NOTCH2NLA: variants seen among roughly 807,000 people sequenced by gnomAD.
The protein encoded by NOTCH2NLA is notch homolog 2 N-terminal-like protein A.
At chr1:146,151,310 T>C (rs1553801277), downstream of NOTCH2NLA, among the ~76,000 whole-genome samples, 1 of 29,450 alleles carries the variant, frequency 3.4e-5, no homozygotes, top group Non-Finnish European at 5.3e-5. Context: ...AGAGCGATGC[T>C]CCGTCTCAAA....
At chr1:146,227,936 C>T (rs1553820130) in intron 1 of NOTCH2NLA, among the ~76,000 whole-genome samples, 1 of 35,738 alleles carries the variant, frequency 2.8e-5, no homozygotes, top group Non-Finnish European at 5.6e-5. Flanking sequence ...AATTGGTGAT[C>T]GTCACACCAC....
chr1:146,185,771 G>A (rs1553810116), intron 2 of NOTCH2NLA, among the ~76,000 whole-genome samples: 1 of 132,836 alleles, frequency 7.5e-6, no homozygotes, highest in African/African-American at 2.5e-5. Flanking sequence ...AAGGAATTTG[G>A]CTTCAACTTT....
chr1:146,158,112 T>A (rs1553803277), intron 3 of NOTCH2NLA, among the ~76,000 whole-genome samples: 1 of 151,790 alleles, frequency 6.6e-6, no homozygotes, highest in Non-Finnish European at 1.5e-5. Flanking sequence ...TTTGTTGTCA[T>A]TAGTCTAAGT....
At chr1:146,158,030 T>C (rs1450928402) in intron 3 of NOTCH2NLA, among the ~76,000 whole-genome samples, 2 of 141,012 alleles carry the variant, frequency 1.4e-5, no homozygotes, top group Non-Finnish European at 3.1e-5. Context: ...AGCAGATTCT[T>C]TGAGGCAGAA....
chr1:146,206,842 CAA>C, intron 1 of NOTCH2NLA, among the ~76,000 whole-genome samples: 1 of 45,152 alleles, frequency 2.2e-5, no homozygotes. Flanking sequence ...GTCAGCAGTT[CAA>C]AACCAGCCTG....
intron 2 of NOTCH2NLA, among the ~76,000 whole-genome samples, chr1:146,174,467 CA>C (rs1662159878): frequency 7.1e-6 from 1 of 139,920 alleles, no homozygotes; most frequent in African/African-American, 2.7e-5. Context: ...ACAACAACAA[CA>C]AAGCAAAATC....
At position 146,185,921 on chromosome 1, in the gene NOTCH2NLA, C is replaced by A. The variant is rs587679202; in HGVS notation, c.38+3379G>T. Among the ~76,000 whole-genome samples, 15 of 135,614 alleles carry A rather than the reference C, an allele frequency of 1.1e-4. No individual in the cohort carries two copies. In the South Asian group the frequency reaches 3.2e-3, roughly 29 times the overall value. The allele number at this position is 135,614 out of a possible 152,430, so 89.0% of individuals were successfully genotyped here. ...ATAATATTTACTGAACAAGCTAGAT[C>A]ATCTTCTTTCTCCACAGAAAAAAAG... is the stretch of plus-strand genomic sequence containing the variant. On this transcript the variant is annotated intron_variant, in intron 2 of 4. Coordinates refer to ENST00000362074, the Ensembl canonical transcript of NOTCH2NLA.
rs1662838714 is a variant in NOTCH2NLA at position 146,187,465 on chromosome 1, T to C, written c.38+1835A>G. On this transcript the variant is annotated intron_variant, in intron 2 of 4. Transcript: ENST00000362074. ...TGAGGAATCGCCACACTGAAATTTT[T>C]AAAGGAGAGAACCAGTGTCTTCTTA... Among the ~76,000 whole-genome samples the C allele has an allele frequency of 3.7e-5, 5 of 135,938 alleles. 1 individual carries two copies. The South Asian group carries it at 9.3e-4, about 25-fold the overall frequency. The allele number at this position is 135,938 out of a possible 152,430, so 89.2% of individuals were successfully genotyped here. A position where few individuals can be genotyped will look rare whatever the true frequency, so the allele number is the denominator to read the frequency against.
rs1355264170 is a variant in NOTCH2NLA, at chr1:146,180,717, C to T, written c.38+8583G>A. On this transcript the variant is annotated intron_variant, in intron 2 of 4. Coordinates refer to ENST00000362074, the Ensembl canonical transcript of NOTCH2NLA. ...CACATATGACAGGAGGACGGAGAGA[C>T]ACTAAACTTCATTCCTAACTACTGT... is the stretch of plus-strand genomic sequence containing the variant. Among the ~76,000 whole-genome samples the T allele has an allele frequency of 1.4e-5, 2 of 141,974 alleles. 1 individual carries two copies. The highest frequency in any genetic ancestry group is 3.2e-5 in the Non-Finnish European group (2 of 61,920). 93.1% of individuals were successfully genotyped at this position (141,974 alleles called of 152,430 possible).
In NOTCH2NLA at chr1:146,219,496, T is replaced by C. The variant is rs1553817720; in HGVS notation, c.-45+9213A>G. Among the ~76,000 whole-genome samples, 2 of 107,784 alleles carry C rather than the reference T, an allele frequency of 1.9e-5. 1 individual carries two copies. The highest frequency in any genetic ancestry group is 3.6e-5 in the Non-Finnish European group (2 of 55,506). The allele number at this position is 107,784 out of a possible 152,430, so 70.7% of individuals were successfully genotyped here. On this transcript the variant is annotated intron_variant, in intron 1 of 4. Transcript: ENST00000362074. ...CTGCTAATTATTTCCATACATATTG[T>C]GACATATTTAAGACAAAAGACTAAC...
At chr1:146,187,532 A>T (rs587685225) in intron 2 of NOTCH2NLA, among the ~76,000 whole-genome samples, 1 of 136,002 alleles carries the variant, frequency 7.4e-6, no homozygotes, top group African/African-American at 2.5e-5. Flanking sequence ...GACGGTATCT[A>T]CTTAGCACCT....
intron 2 of NOTCH2NLA, among the ~76,000 whole-genome samples, chr1:146,182,604 T>G (rs1662588185): frequency 1.6e-5 from 1 of 64,480 alleles, no homozygotes; most frequent in Non-Finnish European, 3.5e-5. Context: ...CCCAGCACTT[T>G]GGGAGGCCGA....
At chr1:146,172,754 T>C (rs1662052371) in intron 2 of NOTCH2NLA, among the ~76,000 whole-genome samples, 1 of 151,566 alleles carries the variant, frequency 6.6e-6, no homozygotes. Context: ...TCTTCTTTAT[T>C]TAAGCCACTG....
At chr1:146,207,790 A>G (rs1663660301) in intron 1 of NOTCH2NLA, among the ~76,000 whole-genome samples, 1 of 100,420 alleles carries the variant, frequency 1.0e-5, no homozygotes, top group African/African-American at 3.4e-5. Flanking sequence ...GTGGCTTTGC[A>G]ATTAGACAGG....
chr1:146,180,266 C>T (rs1382457424), intron 2 of NOTCH2NLA, among the ~76,000 whole-genome samples: 1 of 143,014 alleles, frequency 7.0e-6, no homozygotes, highest in East Asian at 1.9e-4. Flanking sequence ...CCTTTCTCCT[C>T]ATATTTACGT....
chr1:146,228,748 G>C, exon 1 of NOTCH2NLA: 1 of 1,570,916 alleles, frequency 6.4e-7, no homozygotes. Context: ...AGCGCCAGCA[G>C]CGCCCACAGC....
At chr1:146,194,807 C>T (rs2691724) in intron 1 of NOTCH2NLA, among the ~76,000 whole-genome samples, 1 of 103,106 alleles carries the variant, frequency 9.7e-6, no homozygotes, top group East Asian at 3.7e-4. Flanking sequence ...CAGAGCTTAC[C>T]TTACGTGCCC....
At chr1:146,159,333 AGAGT>A (rs1661337500) in intron 3 of NOTCH2NLA, among the ~76,000 whole-genome samples, 1 of 150,070 alleles carries the variant, frequency 6.7e-6, no homozygotes, top group African/African-American at 2.5e-5. Context: ...ACTAAGCAAC[AGAGT>A]GAGAAGAAAG....
downstream of NOTCH2NLA, chr1:146,153,797 C>T (rs1397267038): frequency 6.6e-6 from 1 of 150,952 alleles, no homozygotes; most frequent in African/African-American, 2.4e-5. Flanking sequence ...TGAACTCCAC[C>T]TGGGACATAT....
Sources: allele counts gnomAD v4.1 joint callset (sites outside exome capture counted in the v4.1 genomes callset), GRCh38; gene constraint gnomAD v4.1.1; transcripts MANE v1.5; gene names NCBI Gene and HGNC (gene_info 2026-07-23, HGNC 2026-07-21).